Variants in FBXL7 observed in about 807,000 individuals in gnomAD.
FBXL7 encodes F-box and leucine rich repeat protein 7.
FBXL7 carries 12 observed loss-of-function variants against 38.3 expected under a neutral mutation model. The ratio of observed to expected loss-of-function variants is 0.31; its 90% CI spans 0.20 to 0.51. FBXL7 has a LOEUF of 0.51. FBXL7 is among the 20% of genes least tolerant of loss of function. FBXL7 has a pLI of 0.98. For synonymous variants in FBXL7, 297 were observed against 300.9 expected (o/e 0.99, Z 0.13); for missense variants, 567 against 676.4 (o/e 0.84, Z 1.79).
At chr5:15,926,543 A>G (rs1741881707) in intron 2 of FBXL7, among the ~76,000 whole-genome samples, 1 of 151,580 alleles carries the variant, frequency 6.6e-6, no homozygotes, top group South Asian at 2.1e-4. Context: ...AGAGAGAAAG[A>G]CTAAATTCTT....
intron 2 of FBXL7, among the ~76,000 whole-genome samples, chr5:15,832,102 G>A (rs559647091): frequency 9.2e-5 from 14 of 152,158 alleles, no homozygotes; most frequent in Non-Finnish European, 1.5e-4. Context: ...GGGAAGTCCC[G>A]GACCTTTCTA....
chr5:15,880,482 C>T (rs1394655), intron 2 of FBXL7, among the ~76,000 whole-genome samples: 6,690 of 152,140 alleles, frequency 0.044, 473 homozygotes, highest in African/African-American at 0.15. Context: ...ACTATGCAAC[C>T]CAGTGACAAA....
chr5:15,672,806 T>TG (rs1742523979), intron 2 of FBXL7, among the ~76,000 whole-genome samples: 1 of 152,090 alleles, frequency 6.6e-6, no homozygotes, highest in South Asian at 2.1e-4. Flanking sequence ...CCTCCCGCCT[T>TG]GGCCTCCCAA....
chr5:15,743,062 C>G (rs531578944), intron 2 of FBXL7, among the ~76,000 whole-genome samples: 14 of 152,286 alleles, frequency 9.2e-5, no homozygotes, highest in Admixed American at 6.5e-4. Flanking sequence ...AGCTACGATT[C>G]AAGATGAGAT....
Position 15,500,455 on chromosome 5 carries a change from T to C in FBXL7, c.-222T>C. The stretch of plus-strand genomic sequence containing the variant: ...CAGCGCGGATTGTAAGTGCTGCAGC[T>C]GTGCCCGGCCCCGCCTGGAGCCACC... On this transcript the variant is annotated 5_prime_UTR_variant, in exon 1 of 4. Transcript: ENST00000504595. 1.7e-6 allele frequency: 1 copy of C among 591,078 alleles called. No homozygotes were observed. Among genetic ancestry groups the C allele is most frequent in the South Asian group, 2.0e-5 (1 of 49,972 alleles). The allele number at this position is 591,078 out of a possible 1,614,324, so 36.6% of individuals were successfully genotyped here.
chr5:15,769,565 A>G (rs1233372572), intron 2 of FBXL7, among the ~76,000 whole-genome samples: 1 of 152,264 alleles, frequency 6.6e-6, no homozygotes, highest in African/African-American at 2.4e-5. Context: ...ATGGTAATGT[A>G]ATTTTTCAAT....
chr5:15,655,493 CA>C (rs58395302), intron 2 of FBXL7, among the ~76,000 whole-genome samples: 48,503 of 130,130 alleles, frequency 0.37, 7,878 homozygotes, highest in East Asian at 0.52. Flanking sequence ...GACTCTGTCT[CA>C]AAAAAAAAAA....
Position 15,936,904 on chromosome 5 carries a change from C to A in FBXL7, c.1194C>A (p.Ala398=), listed in dbSNP as rs761613540. ...CGGACCACGGTGTGGAGTACCTCGCCAAGAACTGCACCAAACTCAAATCCC... is the reference window on the plus strand; with the variant it reads ...CGGACCACGGTGTGGAGTACCTCGCAAAGAACTGCACCAAACTCAAATCCC... The part of the protein sequence containing the change: ...GITDHGVEYL[A]KNCTKLKSLD... Residue 398 remains alanine, a synonymous_variant, in exon 4 of 4, where the codon GCC becomes GCA. Coordinates refer to ENST00000504595, the MANE Select transcript of FBXL7 (RefSeq NM_012304.5). The surrounding 1 kb of genome is among the most constrained non-coding windows in gnomAD (Gnocchi z 6.0). The A allele has an allele frequency of 6.2e-7, 1 of 1,614,056 alleles. No homozygotes were observed. The highest frequency in any genetic ancestry group is 8.5e-7 in the Non-Finnish European group (1 of 1,179,894).
At chr5:15,670,568 A>G (rs180947512) in intron 2 of FBXL7, among the ~76,000 whole-genome samples, 1 of 152,316 alleles carries the variant, frequency 6.6e-6, no homozygotes, top group Non-Finnish European at 1.5e-5. Flanking sequence ...TGGGAGGATA[A>G]GGCAGGTGAA....
intron 2 of FBXL7, among the ~76,000 whole-genome samples, chr5:15,867,991 C>T (rs1304600582): frequency 6.6e-6 from 1 of 151,742 alleles, no homozygotes; most frequent in Non-Finnish European, 1.5e-5. Context: ...GTAGTCTCAG[C>T]TACTTAGGAG....
intron 1 of FBXL7, among the ~76,000 whole-genome samples, chr5:15,564,406 G>T (rs1580373467): frequency 6.6e-6 from 1 of 151,106 alleles, no homozygotes; most frequent in East Asian, 2.1e-4. Context: ...GTGTGTGTGT[G>T]TGTGTGTGTA....
intron 2 of FBXL7, among the ~76,000 whole-genome samples, chr5:15,864,556 G>T (rs562814723): frequency 6.6e-6 from 1 of 152,184 alleles, no homozygotes; most frequent in East Asian, 1.9e-4. Context: ...GTTACGGATG[G>T]GTATTGAGGA....
chr5:15,787,796 T>C (rs1369274812), intron 2 of FBXL7, among the ~76,000 whole-genome samples: 1 of 152,192 alleles, frequency 6.6e-6, no homozygotes, highest in Admixed American at 6.5e-5. Flanking sequence ...CCCTGGTTTG[T>C]AGTATTTAAC....
At chr5:15,792,634 G>C (rs905618873) in intron 2 of FBXL7, among the ~76,000 whole-genome samples, 1 of 152,178 alleles carries the variant, frequency 6.6e-6, no homozygotes, top group African/African-American at 2.4e-5. Context: ...CTGGACAGAA[G>C]GCGTCCGGCT....
intron 1 of FBXL7, among the ~76,000 whole-genome samples, chr5:15,556,745 A>G (rs943265939): frequency 5.3e-5 from 8 of 152,144 alleles, no homozygotes; most frequent in African/African-American, 1.7e-4. Context: ...ATAAATCATC[A>G]GCTGAGAATA....
chr5:15,875,921 T>TA (rs1364769365), intron 2 of FBXL7, among the ~76,000 whole-genome samples: 10 of 152,210 alleles, frequency 6.6e-5, no homozygotes, highest in Non-Finnish European at 1.3e-4. Flanking sequence ...CAAAGGATTA[T>TA]AAATCATTCT....
intron 1 of FBXL7, among the ~76,000 whole-genome samples, chr5:15,593,198 A>G (rs1275853965): frequency 6.6e-6 from 1 of 151,978 alleles, no homozygotes; most frequent in Non-Finnish European, 1.5e-5. Flanking sequence ...CTTCCTCTGG[A>G]TTGTTTCTGC....
intron 2 of FBXL7, among the ~76,000 whole-genome samples, chr5:15,738,483 T>A (rs1286949839): frequency 6.6e-6 from 1 of 152,162 alleles, no homozygotes; most frequent in African/African-American, 2.4e-5. Context: ...CCCTTCTTGT[T>A]ATCTACTGGA....
intron 2 of FBXL7, among the ~76,000 whole-genome samples, chr5:15,651,869 G>A (rs1486485850): frequency 6.6e-6 from 1 of 152,158 alleles, no homozygotes; most frequent in South Asian, 2.1e-4. Context: ...GTAATAAAAG[G>A]CTACTTCATA....
Sources: gnomAD v4.1 joint callset for allele counts (sites outside exome capture counted in the v4.1 genomes callset) on GRCh38, gnomAD v4.1.1 for gene constraint, Gnocchi (gnomAD v3.1) non-coding constraint, MANE v1.5 for transcripts, NCBI Gene and HGNC (gene_info 2026-07-23, HGNC 2026-07-21) for gene names.